The following CPM variants were observed in gnomAD, a reference collection of about 807,000 sequenced individuals.
CPM encodes the protein carboxypeptidase M, also known as renal carboxypeptidase.
In CPM, 35 loss-of-function variants were observed where a neutral mutation model predicts 46.4. The ratio of observed to expected loss-of-function variants is 0.75; its 90% CI spans 0.58 to 1.00. The LOEUF (loss-of-function observed/expected upper bound fraction) is 1.00, where lower values mean the gene tolerates loss of function less well. Ranked by LOEUF, CPM falls within the 50% of genes least tolerant of loss-of-function variation. The pLI, the probability that CPM is intolerant of heterozygous loss-of-function variation, is 0.00. For synonymous variants in CPM, 195 were observed against 195.3 expected (o/e 1.00, Z 0.01); for missense variants, 422 against 530.4 (o/e 0.80, Z 2.01).
chr12:68,867,417 T>A (rs1217886312), intron 6 of CPM, among the ~76,000 whole-genome samples: 1 of 152,254 alleles, frequency 6.6e-6, no homozygotes, highest in Non-Finnish European at 1.5e-5. Flanking sequence ...AGAATAAGAT[T>A]CCTTTAAAAT....
intron 5 of CPM, among the ~76,000 whole-genome samples, chr12:68,869,819 T>C (rs1355393213): frequency 6.6e-6 from 1 of 152,140 alleles, no homozygotes; most frequent in African/African-American, 2.4e-5. Flanking sequence ...CTGTAATATT[T>C]TGGGTCCTCA....
rs374992154 is a variant in CPM at position 68,956,993 on chromosome 12, G to T, written c.-4+6176C>A. 2.6e-5 allele frequency among the ~76,000 whole-genome samples: 4 copies of T among 152,162 alleles called. No homozygotes were observed. The East Asian group carries it at 7.7e-4, about 29-fold the overall frequency. ...TGAACAATGGTGCTAATAACATAAG[G>T]GCACAAACACCCTCCTCGGCCTTTA... On this transcript the variant is annotated intron_variant, in intron 1 of 8. Coordinates refer to the CPM transcript ENST00000546373.
chr12:68,916,459 C>G (rs1887807393), intron 2 of CPM, among the ~76,000 whole-genome samples: 1 of 152,204 alleles, frequency 6.6e-6, no homozygotes, highest in Non-Finnish European at 1.5e-5. Flanking sequence ...AAACTTTTCA[C>G]ACTGATAGCT....
chr12:68,943,680 C>T (rs1170580610), intron 1 of CPM, among the ~76,000 whole-genome samples: 1 of 152,098 alleles, frequency 6.6e-6, no homozygotes, highest in East Asian at 1.9e-4. Flanking sequence ...CTTCTTGGCT[C>T]TAATAAGGCC....
chr12:68,867,370 T>C (rs1407011230), intron 6 of CPM, among the ~76,000 whole-genome samples: 6 of 152,244 alleles, frequency 3.9e-5, no homozygotes, highest in East Asian at 1.9e-4. Flanking sequence ...TTGAATTTCA[T>C]TTCTTTCTTA....
rs1416003178 is a variant in CPM, at chr12:68,855,537, A to C, written c.*900T>G. On this transcript the variant is annotated 3_prime_UTR_variant, in exon 9 of 9. Coordinates refer to ENST00000551568, the MANE Select transcript of CPM (RefSeq NM_198320.5). ...GTATGCTTTGAAGCTCTATAGAGAC[A>C]CAATCTTATCCCTTCAGGCCTGTAT... 1 of 152,112 alleles carries C rather than the reference A, an allele frequency of 6.6e-6. No individual in the cohort carries two copies. The highest frequency in any genetic ancestry group is 1.5e-5 in the Non-Finnish European group (1 of 68,042). 9.4% of individuals were successfully genotyped at this position (152,112 alleles called of 1,614,324 possible). A position where few individuals can be genotyped will look rare whatever the true frequency, so the allele number is the denominator to read the frequency against.
intron 2 of CPM, among the ~76,000 whole-genome samples, chr12:68,920,162 C>T (rs1449027149): frequency 6.6e-6 from 1 of 152,204 alleles, no homozygotes; most frequent in African/African-American, 2.4e-5. Context: ...TGATGCCTCC[C>T]TAGAAACTGA....
At chr12:68,950,373 T>C (rs939324350) in intron 1 of CPM, among the ~76,000 whole-genome samples, 4 of 152,160 alleles carry the variant, frequency 2.6e-5, no homozygotes, top group Non-Finnish European at 4.4e-5. Flanking sequence ...TTTCAGGAAA[T>C]GGAAATCTTA....
At chr12:68,874,890 C>T (rs769182787) in intron 3 of CPM, among the ~76,000 whole-genome samples, 2 of 152,114 alleles carry the variant, frequency 1.3e-5, no homozygotes, top group Non-Finnish European at 2.9e-5. Flanking sequence ...CATACACTCT[C>T]CAGCATGCAA....
In CPM at chr12:68,928,216, G is replaced by A. The variant is rs527865631; in HGVS notation, c.160+4462C>T. 5.9e-5 allele frequency among the ~76,000 whole-genome samples: 9 copies of A among 152,176 alleles called. No individual in the cohort carries two copies. The South Asian group carries it at 1.0e-3, about 18-fold the overall frequency. ...GAACAGAGACCTCAGAAATAACGCC[G>A]CATATCTACAACTATCTGATCTTTG... On this transcript the variant is annotated intron_variant, in intron 2 of 8. Coordinates refer to ENST00000551568, the MANE Select transcript of CPM (RefSeq NM_198320.5).
chr12:68,932,604 A>T, intron 2 of CPM, 74 bp downstream of exon 2: 1 of 1,552,300 alleles, frequency 6.4e-7, no homozygotes. Flanking sequence ...GCAGACAGGA[A>T]GCTGGGGCAT....
rs146130064 is a variant in CPM, at chr12:68,961,430, GAC to G, written c.-4+1737_-4+1738del. On this transcript the variant is annotated intron_variant, in intron 1 of 8. Coordinates refer to the CPM transcript ENST00000546373. ...CAGAGTGCTGGGATTACAGATGCAA[GAC>G]ACAGTGCCCAGCCTAAATTTTTTAT... Among the ~76,000 whole-genome samples, 447 of 152,142 alleles carry G rather than the reference GAC, an allele frequency of 2.9e-3. 4 individuals carry two copies. The highest frequency in any genetic ancestry group is 0.011 in the African/African-American group (437 of 41,524).
chr12:68,911,006 A>G (rs1443830938), intron 2 of CPM, among the ~76,000 whole-genome samples: 2 of 152,196 alleles, frequency 1.3e-5, no homozygotes. Flanking sequence ...GTTCATTCAC[A>G]TTGTCGAGTA....
chr12:68,934,706 C>T (rs987526541), upstream of CPM, among the ~76,000 whole-genome samples: 1 of 152,064 alleles, frequency 6.6e-6, no homozygotes, highest in African/African-American at 2.4e-5. Flanking sequence ...AGTGCCAATT[C>T]TTGCTCTGAC....
At chr12:68,843,313 A>AGAGT (rs888128941) in intron 5 of CPM, 2 of 228,048 alleles carry the variant, frequency 8.8e-6, no homozygotes, top group African/African-American at 4.6e-5. Context: ...AGAGAGAGAG[A>AGAGT]GAGTAGGGTG....
At chr12:68,929,305 T>C (rs1888406628) in intron 2 of CPM, among the ~76,000 whole-genome samples, 1 of 152,198 alleles carries the variant, frequency 6.6e-6, no homozygotes, top group African/African-American at 2.4e-5. Context: ...CAGCAAATAT[T>C]TGATCCATTA....
intron 3 of CPM, among the ~76,000 whole-genome samples, chr12:68,873,671 A>G: frequency 6.6e-6 from 1 of 150,504 alleles, no homozygotes; most frequent in East Asian, 2.0e-4. Flanking sequence ...CTGTCTCAAA[A>G]AAAAAAAAAA....
upstream of CPM, among the ~76,000 whole-genome samples, chr12:68,935,526 AGT>A (rs1201160791): frequency 6.6e-6 from 1 of 151,504 alleles, no homozygotes; most frequent in Admixed American, 6.6e-5. Context: ...CCTGGCCTCA[AGT>A]GATCCTTCTG....
At chr12:68,930,429 T>C (rs1166531246) in intron 2 of CPM, among the ~76,000 whole-genome samples, 1 of 152,196 alleles carries the variant, frequency 6.6e-6, no homozygotes, top group Admixed American at 6.6e-5. Flanking sequence ...GAGGGCAGAA[T>C]GGTTAGGGAA....
Sources: allele counts gnomAD v4.1 joint callset (sites outside exome capture counted in the v4.1 genomes callset), GRCh38; gene constraint gnomAD v4.1.1; transcripts MANE v1.5; gene names NCBI Gene and HGNC (gene_info 2026-07-23, HGNC 2026-07-21).